MND1: variants seen among roughly 807,000 people sequenced by gnomAD.
MND1 encodes meiotic nuclear divisions 1.
A neutral mutation model predicts 35.1 loss-of-function variants in MND1; 28 were observed. The ratio of observed to expected loss-of-function variants is 0.80; its 90% CI spans 0.59 to 1.09. The LOEUF (loss-of-function observed/expected upper bound fraction) is 1.09, where lower values mean the gene tolerates loss of function less well. MND1 is among the 50% of genes least tolerant of loss of function. MND1 has a pLI of 0.00. For synonymous variants in MND1, 69 were observed against 70.5 expected, an observed-to-expected ratio of 0.98 and a Z score of 0.11; for missense variants, 213 against 239.6, an observed-to-expected ratio of 0.89 and a Z score of 0.73.
chr4:153,378,672 G>A (rs1728577046), intron 4 of MND1, among the ~76,000 whole-genome samples: 1 of 152,144 alleles, frequency 6.6e-6, no homozygotes, highest in South Asian at 2.1e-4. Flanking sequence ...TCTCCCCAGA[G>A]CTGACATATA....
At position 153,378,349 on chromosome 4, in the gene MND1, A is replaced by C. The variant is rs572721006; in HGVS notation, c.277-15913A>C. ...ATGTGAATTTTTAACTTTTTTTTCT[A>C]CTAGCTTACCTGAATTATATTTTGC... On this transcript the variant is annotated intron_variant, in intron 4 of 7. Coordinates refer to ENST00000240488, the MANE Select transcript of MND1 (RefSeq NM_032117.4). Among the ~76,000 whole-genome samples, 4 of 152,214 alleles carry C rather than the reference A, an allele frequency of 2.6e-5. No homozygotes were observed. In the East Asian group the frequency reaches 7.7e-4, roughly 29 times the overall value.
rs1287472993 is a variant in MND1, at chr4:153,360,460, C to G, written c.276+1838C>G. On this transcript the variant is annotated intron_variant, in intron 4 of 7. Coordinates refer to ENST00000240488, the MANE Select transcript of MND1 (RefSeq NM_032117.4). ...GAGTTTTGTAGTTTTGCATTTTACA[C>G]TTAGATTTATTATCCATTTTGAGTT... is the stretch of plus-strand genomic sequence containing the variant. Among the ~76,000 whole-genome samples the G allele has an allele frequency of 2.6e-5, 4 of 151,918 alleles. No individual in the cohort carries two copies. In the East Asian group the frequency reaches 7.7e-4, roughly 29 times the overall value.
At chr4:153,360,937 C>T (rs1308911689) in intron 4 of MND1, among the ~76,000 whole-genome samples, 1 of 152,054 alleles carries the variant, frequency 6.6e-6, no homozygotes, top group East Asian at 1.9e-4. Flanking sequence ...CCTCCCAGGC[C>T]CAAGCCATCC....
chr4:153,359,009 AAT>A (rs1230804669), intron 4 of MND1, among the ~76,000 whole-genome samples: 2 of 152,180 alleles, frequency 1.3e-5, no homozygotes. Context: ...ATACTAGTGT[AAT>A]ATGTTTGTCA....
Position 153,372,200 on chromosome 4 carries a change from A to G in MND1, c.276+13578A>G, listed in dbSNP as rs112505096. ...TTAATGCAAGAATTACACAGAGACA[A>G]GAAGTGAGCACATGCCATTGGAAAA... On this transcript the variant is annotated intron_variant, in intron 4 of 7. Transcript: ENST00000240488. Among the ~76,000 whole-genome samples, 23 of 152,208 alleles carry G rather than the reference A, an allele frequency of 1.5e-4. 1 individual carries two copies. Among genetic ancestry groups the G allele is most frequent in the African/African-American group, 5.5e-4 (23 of 41,586 alleles).
chr4:153,349,919 A>G (rs937128962), intron 1 of MND1, 145 bp from the exon 2 acceptor site: 3 of 564,370 alleles, frequency 5.3e-6, no homozygotes, highest in Non-Finnish European at 9.5e-6. Flanking sequence ...GATAGTAATT[A>G]AAATGAGTCT....
intron 4 of MND1, among the ~76,000 whole-genome samples, chr4:153,384,332 G>A (rs1728790837): frequency 1.5e-5 from 2 of 135,092 alleles, no homozygotes; most frequent in South Asian, 4.7e-4. Context: ...GTGTAGTGGT[G>A]CAATCATGGC....
intron 1 of MND1, among the ~76,000 whole-genome samples, chr4:153,346,653 A>G (rs968179635): frequency 2.6e-4 from 39 of 152,306 alleles, no homozygotes; most frequent in African/African-American, 8.7e-4. Context: ...TCAGCCTGAA[A>G]ACAAGGTAAA....
At chr4:153,391,977 C>G (rs534611678) in intron 4 of MND1, among the ~76,000 whole-genome samples, 31 of 152,008 alleles carry the variant, frequency 2.0e-4, no homozygotes, top group Non-Finnish European at 3.1e-4. Context: ...AAGGGTAAAC[C>G]TACCAACTTT....
intron 6 of MND1, among the ~76,000 whole-genome samples, chr4:153,407,052 C>T (rs1486030948): frequency 2.6e-5 from 4 of 152,220 alleles, no homozygotes; most frequent in Non-Finnish European, 5.9e-5. Flanking sequence ...CAATCACCTC[C>T]CACTGGGGTC....
rs2149625681 is a variant in MND1 at position 153,345,405 on chromosome 4, T to C, written c.3+665T>C. On this transcript the variant is annotated intron_variant, in intron 1 of 7. Transcript: ENST00000240488. ...TCTGCCAAAGGGCAGGAGTCGCTGC[T>C]CTTGTGCCGGGTGCTGCTGGTTGTG... 3.0e-6 allele frequency: 3 copies of C among 985,546 alleles called. No homozygotes were observed. The African/African-American group carries it at 5.2e-5, about 17-fold the overall frequency. 61.1% of individuals were successfully genotyped at this position (985,546 alleles called of 1,614,324 possible).
chr4:153,407,834 G>A (rs541427943), intron 6 of MND1, among the ~76,000 whole-genome samples: 40 of 152,272 alleles, frequency 2.6e-4, no homozygotes, highest in African/African-American at 9.1e-4. Flanking sequence ...ATAGAGAAAA[G>A]ACAGCAACTA....
intron 4 of MND1, among the ~76,000 whole-genome samples, chr4:153,380,907 T>G (rs1289879015): frequency 4.7e-5 from 7 of 150,190 alleles, no homozygotes; most frequent in Non-Finnish European, 8.9e-5. Context: ...ACATCAGAGT[T>G]TTTTTTTTTT....
At chr4:153,387,625 G>A (rs1170877895) in intron 4 of MND1, among the ~76,000 whole-genome samples, 2 of 151,952 alleles carry the variant, frequency 1.3e-5, no homozygotes, top group Non-Finnish European at 2.9e-5. Context: ...AAATTAGCTG[G>A]CATGGTGGTG....
chr4:153,358,380 G>T, intron 3 of MND1, 94 bp from the exon 4 acceptor site: 1 of 1,053,552 alleles, frequency 9.5e-7, no homozygotes, highest in Non-Finnish European at 1.3e-6. Flanking sequence ...CTCTTGATTT[G>T]TGATATGTTT....
At chr4:153,408,308 A>G (rs980168238) in intron 6 of MND1, among the ~76,000 whole-genome samples, 5 of 152,180 alleles carry the variant, frequency 3.3e-5, no homozygotes, top group Admixed American at 1.3e-4. Flanking sequence ...ACTGAATTAT[A>G]TAGTTTACTA....
chr4:153,350,729 C>T (rs912424170), intron 2 of MND1, among the ~76,000 whole-genome samples: 1 of 152,172 alleles, frequency 6.6e-6, no homozygotes, highest in Non-Finnish European at 1.5e-5. Context: ...TGGCTTTACA[C>T]TGTTACTGGA....
chr4:153,360,584 ATGTGTGTG>A (rs141946781), intron 4 of MND1, among the ~76,000 whole-genome samples: 6 of 145,210 alleles, frequency 4.1e-5, no homozygotes, highest in African/African-American at 1.3e-4. Flanking sequence ...TCTTTTCTGT[ATGTGTGTG>A]TGTGTGTGTG....
chr4:153,391,937 C>T (rs1051185713), intron 4 of MND1, among the ~76,000 whole-genome samples: 3 of 152,042 alleles, frequency 2.0e-5, no homozygotes, highest in Admixed American at 1.3e-4. Flanking sequence ...TTCCTTTATG[C>T]GTACTGAGAA....
Sources: gnomAD v4.1 joint callset for allele counts (sites outside exome capture counted in the v4.1 genomes callset) on GRCh38, gnomAD v4.1.1 for gene constraint, MANE v1.5 for transcripts, NCBI Gene and HGNC (gene_info 2026-07-23, HGNC 2026-07-21) for gene names.